The following DNAH9 variants were observed in gnomAD, a reference collection of about 807,000 sequenced individuals.
DNAH9 encodes DNAH9 variant protein.
A neutral mutation model predicts 471.6 loss-of-function variants in DNAH9; 345 were observed. That is an observed-to-expected ratio of 0.73 (90% CI 0.67 to 0.80). The LOEUF is 0.80. Ranked by LOEUF, DNAH9 falls within the 30% of genes least tolerant of loss-of-function variation. DNAH9 has a pLI of 0.00. For missense variants in DNAH9, 5,407 were observed against 5,609.2 expected (o/e 0.96, Z 1.15); for synonymous variants, 2,093 against 2,123.6 (o/e 0.99, Z 0.40).
intron 1 of DNAH9, among the ~76,000 whole-genome samples, chr17:11,601,626 A>G (rs1327887306): frequency 1.3e-5 from 2 of 152,116 alleles, no homozygotes; most frequent in Non-Finnish European, 1.5e-5. Flanking sequence ...CTGTCCATCC[A>G]TCTACTTTTA....
intron 67 of DNAH9, chr17:11,954,077 AAG>A (rs1975519831): frequency 6.6e-6 from 1 of 151,980 alleles, no homozygotes; most frequent in Non-Finnish European, 1.5e-5. Flanking sequence ...AAACCAAAAA[AAG>A]TAAACAAATT....
intron 50 of DNAH9, among the ~76,000 whole-genome samples, chr17:11,861,581 A>G (rs1971850569): frequency 6.7e-6 from 1 of 150,090 alleles, no homozygotes; most frequent in East Asian, 2.0e-4. Context: ...CTAGTTCTAG[A>G]TCCCTGAGGA....
chr17:11,614,434 A>T (rs779823589), intron 4 of DNAH9, among the ~76,000 whole-genome samples: 3 of 152,168 alleles, frequency 2.0e-5, no homozygotes, highest in Non-Finnish European at 4.4e-5. Context: ...CTGAGCAGTA[A>T]ATAATCTTGG....
intron 6 of DNAH9, among the ~76,000 whole-genome samples, chr17:11,625,144 G>C (rs1435017412): frequency 6.6e-6 from 1 of 152,082 alleles, no homozygotes; most frequent in Non-Finnish European, 1.5e-5. Context: ...CAGATCCCCT[G>C]TTTGAGTTTC....
intron 28 of DNAH9, among the ~76,000 whole-genome samples, chr17:11,733,574 A>T (rs929336002): frequency 6.6e-6 from 1 of 152,212 alleles, no homozygotes; most frequent in African/African-American, 2.4e-5. Context: ...AACCCTAGCC[A>T]GGTGCGGTGG....
rs11364413 is a variant in DNAH9, at chr17:11,938,456, CAA to C, written c.12660+946_12660+947del. 6.6e-4 allele frequency among the ~76,000 whole-genome samples: 73 copies of C among 111,414 alleles called. 1 individual carries two copies. The highest frequency in any genetic ancestry group is 2.0e-3 in the South Asian group (7 of 3,514). The allele number at this position is 111,414 out of a possible 152,430, so 73.1% of individuals were successfully genotyped here. A position where few individuals can be genotyped will look rare whatever the true frequency, so the allele number is the denominator to read the frequency against. The stretch of plus-strand genomic sequence containing the variant: ...CCTGGTGACAGAGCAAGACTGTCTC[CAA>C]AAAAAAAAAAACAAAAAAAGAATGG... On this transcript the variant is annotated intron_variant, in intron 66 of 68. Coordinates refer to ENST00000262442, the MANE Select transcript of DNAH9 (RefSeq NM_001372.4).
At chr17:11,968,531 A>G (rs148845178) in intron 68 of DNAH9, among the ~76,000 whole-genome samples, 11 of 152,378 alleles carry the variant, frequency 7.2e-5, no homozygotes, top group Non-Finnish European at 1.6e-4. Flanking sequence ...CTGTGGTCAA[A>G]TAAGTTTGGG....
chr17:11,872,574 G>A (rs759489106), intron 52 of DNAH9, among the ~76,000 whole-genome samples: 1 of 152,108 alleles, frequency 6.6e-6, no homozygotes, highest in Non-Finnish European at 1.5e-5. Flanking sequence ...GTTCAAGACC[G>A]GGATACCTTT....
chr17:11,690,664 A>G (rs1045798670), intron 20 of DNAH9, among the ~76,000 whole-genome samples: 4 of 150,376 alleles, frequency 2.7e-5, no homozygotes, highest in Admixed American at 2.6e-4. Flanking sequence ...TGGGTAGGAA[A>G]AAGAAAGGAA....
intron 67 of DNAH9, among the ~76,000 whole-genome samples, chr17:11,951,795 T>C (rs2151440869): frequency 6.6e-6 from 1 of 151,870 alleles, no homozygotes; most frequent in South Asian, 2.1e-4. Flanking sequence ...TGGTGGCAGC[T>C]GCCTGTAATC....
At position 11,797,776 on chromosome 17, in the gene DNAH9, G is replaced by C. The variant is rs187502839; in HGVS notation, c.8403G>C (p.Glu2801Asp). Residue 2801 changes from glutamate (E) to aspartate (D), a missense_variant, in exon 43 of 69, where the codon GAG (glutamate) becomes GAC (aspartate). Glu to Asp is a conservative substitution (Grantham distance 45). Coordinates refer to ENST00000262442, the MANE Select transcript of DNAH9 (RefSeq NM_001372.4). Reference protein sequence around the residue: ...VNTVMDLVLFEDAMRHVCHIN... With the variant: ...VNTVMDLVLFDDAMRHVCHIN... ...CAGTGATGGACCTAGTTCTCTTTGAGGATGCCATGCGCCATGTGTAAGTGT... is the reference window on the plus strand; with the variant it reads ...CAGTGATGGACCTAGTTCTCTTTGACGATGCCATGCGCCATGTGTAAGTGT... 30 of 1,613,920 alleles carry C rather than the reference G, an allele frequency of 1.9e-5. No individual in the cohort carries two copies. In the East Asian group the frequency reaches 5.6e-4, roughly 30 times the overall value.
intron 61 of DNAH9, among the ~76,000 whole-genome samples, chr17:11,913,820 G>GTTTCATAT (rs1479961696): frequency 2.0e-5 from 3 of 151,710 alleles, no homozygotes; most frequent in Admixed American, 2.0e-4. Flanking sequence ...AAGAGAAACA[G>GTTTCATAT]TTTCATATTC....
In DNAH9 at chr17:11,823,001, C is replaced by T. The variant is rs746628626; in HGVS notation, c.9213C>T (p.Asn3071=). The T allele has an allele frequency of 2.1e-5, 34 of 1,613,890 alleles. No individual in the cohort carries two copies. The highest frequency in any genetic ancestry group is 1.8e-4 in the Admixed American group (11 of 59,970). ...AGTGCAAGACAGAGCGGTTGGAGAA[C>T]GGGCTGCTGAAGCTGCATAGCACCT... ...ELKCKTERLE[N]GLLKLHSTSA... Residue 3071 remains asparagine (N), a synonymous_variant, in exon 48 of 69, where the codon AAC becomes AAT. Transcript: ENST00000262442.
At chr17:11,715,804 C>T (rs1217225418) in intron 26 of DNAH9, among the ~76,000 whole-genome samples, 1 of 152,120 alleles carries the variant, frequency 6.6e-6, no homozygotes, top group Non-Finnish European at 1.5e-5. Context: ...CTGAGTCTCA[C>T]GGACACTTCA....
At chr17:11,620,107 C>T (rs1025360841) in intron 6 of DNAH9, among the ~76,000 whole-genome samples, 11 of 151,928 alleles carry the variant, frequency 7.2e-5, no homozygotes, top group Non-Finnish European at 1.2e-4. Flanking sequence ...CCCAGCTACT[C>T]GGGAGGCTGA....
chr17:11,790,639 A>G (rs1038998045), intron 41 of DNAH9, among the ~76,000 whole-genome samples: 6 of 151,918 alleles, frequency 3.9e-5, no homozygotes, highest in African/African-American at 1.4e-4. Flanking sequence ...TTTAATTACA[A>G]TGTTTAGCTC....
chr17:11,614,284 A>G (rs896379946), intron 4 of DNAH9, among the ~76,000 whole-genome samples: 1 of 152,120 alleles, frequency 6.6e-6, no homozygotes, highest in Non-Finnish European at 1.5e-5. Context: ...TTATTGACCT[A>G]CTGATGAATT....
chr17:11,674,125 AT>A (rs2074014481), intron 17 of DNAH9, among the ~76,000 whole-genome samples: 1 of 152,124 alleles, frequency 6.6e-6, no homozygotes, highest in African/African-American at 2.4e-5. Context: ...GTTGTTGAAC[AT>A]TTGGGTTGTT....
At chr17:11,678,095 G>C (rs59017685) in intron 17 of DNAH9, among the ~76,000 whole-genome samples, 1 of 151,192 alleles carries the variant, frequency 6.6e-6, no homozygotes, top group Non-Finnish European at 1.5e-5. Flanking sequence ...TCGCTCTGTC[G>C]CCCAGGCTGG....
Sources: gnomAD v4.1 joint callset for allele counts (sites outside exome capture counted in the v4.1 genomes callset) on GRCh38, gnomAD v4.1.1 for gene constraint, MANE v1.5 for transcripts, NCBI Gene and HGNC (gene_info 2026-07-23, HGNC 2026-07-21) for gene names.